MAML3: variants seen among roughly 807,000 people sequenced by gnomAD.
The protein encoded by MAML3 is mastermind-like protein 3.
Under a neutral mutation model 101.9 loss-of-function variants are expected in MAML3, and 27 were observed. That is an observed-to-expected ratio of 0.27 (90% CI 0.20 to 0.37). The LOEUF is 0.37. Ranked by LOEUF, MAML3 falls within the 10% of genes least tolerant of loss-of-function variation. The pLI is 1.00. For missense variants in MAML3, 1,316 were observed against 1,444.9 expected, an observed-to-expected ratio of 0.91 and a Z score of 1.45; for synonymous variants, 501 against 555.9, an observed-to-expected ratio of 0.90 and a Z score of 1.39.
chr4:139,943,864 CTTT>C (rs10644498), intron 1 of MAML3, among the ~76,000 whole-genome samples: 15 of 65,864 alleles, frequency 2.3e-4, no homozygotes, highest in East Asian at 1.0e-3. Context: ...CTAAAGACAA[CTTT>C]TTTTTTTTTT....
chr4:139,932,426 G>T (rs1314550593), intron 1 of MAML3, among the ~76,000 whole-genome samples: 1 of 152,098 alleles, frequency 6.6e-6, no homozygotes, highest in African/African-American at 2.4e-5. Flanking sequence ...TCGTTAACAG[G>T]GACTTGGAGT....
Position 139,719,550 on chromosome 4 carries a change from G to A in MAML3, c.3190C>T (p.Pro1064Ser), listed in dbSNP as rs4863506. ...CTGGGTATCTGCTGCTGTGCTGGGG[G>A]CTGGCTGAACGCTGGCATGCCTGGG... Reference protein sequence around the residue: ...GVPGMPAFSQPPAQQQIPSGS... With the variant: ...GVPGMPAFSQSPAQQQIPSGS... The change falls in exon 5 of 5, where the codon CCC (proline) becomes TCC (serine). Residue 1064 changes from proline (P) to serine (S), a missense_variant. Transcript: ENST00000509479. 6,112 of 1,613,760 alleles carry A rather than the reference G, an allele frequency of 3.8e-3. 76 individuals carry two copies. The highest frequency in any genetic ancestry group is 0.028 in the African/African-American group (2,075 of 75,072).
intron 1 of MAML3, among the ~76,000 whole-genome samples, chr4:140,111,968 A>C (rs1252224463): frequency 2.0e-5 from 3 of 152,186 alleles, no homozygotes; most frequent in Non-Finnish European, 4.4e-5. Flanking sequence ...ATTCCTTTAT[A>C]GACTGACCCT....
chr4:139,950,493 C>A (rs1288074354), intron 1 of MAML3, among the ~76,000 whole-genome samples: 1 of 152,154 alleles, frequency 6.6e-6, no homozygotes. Context: ...ATTAATACAA[C>A]CAGCACCTCC....
At chr4:139,784,721 G>C (rs1312582160) in intron 2 of MAML3, among the ~76,000 whole-genome samples, 1 of 152,150 alleles carries the variant, frequency 6.6e-6, no homozygotes, top group African/African-American at 2.4e-5. Context: ...AAACTGGAAG[G>C]GTACTCAGTT....
At chr4:139,954,071 ACT>A (rs1448053375) in intron 1 of MAML3, among the ~76,000 whole-genome samples, 7 of 151,162 alleles carry the variant, frequency 4.6e-5, no homozygotes, top group Non-Finnish European at 8.9e-5. Flanking sequence ...GTGTCAGTTG[ACT>A]CTTGTGCTCA....
chr4:140,037,502 CA>C (rs1327997109), intron 1 of MAML3, among the ~76,000 whole-genome samples: 1 of 152,078 alleles, frequency 6.6e-6, no homozygotes, highest in Non-Finnish European at 1.5e-5. Context: ...AAAGAAAATA[CA>C]AAAAGGAATC....
intron 2 of MAML3, among the ~76,000 whole-genome samples, chr4:139,754,971 C>T (rs1578584604): frequency 6.6e-6 from 1 of 152,222 alleles, no homozygotes; most frequent in African/African-American, 2.4e-5. Flanking sequence ...CGCTGACATC[C>T]TATGTCTGTT....
At chr4:140,017,295 C>T (rs766841676) in intron 1 of MAML3, among the ~76,000 whole-genome samples, 2 of 152,120 alleles carry the variant, frequency 1.3e-5, no homozygotes, top group Non-Finnish European at 2.9e-5. Flanking sequence ...AAAACAGTGA[C>T]ACCACCAAAT....
chr4:140,113,110 C>G (rs1728464883), intron 1 of MAML3, among the ~76,000 whole-genome samples: 1 of 151,982 alleles, frequency 6.6e-6, no homozygotes, highest in Non-Finnish European at 1.5e-5. Flanking sequence ...AACCCCATCT[C>G]TACTAAAAAA....
At chr4:140,073,439 T>C (rs973526179) in intron 1 of MAML3, among the ~76,000 whole-genome samples, 12 of 151,996 alleles carry the variant, frequency 7.9e-5, no homozygotes, top group Admixed American at 7.9e-4. Context: ...CGCCCAACCC[T>C]TCACTTTTTC....
At chr4:140,121,675 C>A (rs1334778499) in intron 1 of MAML3, among the ~76,000 whole-genome samples, 1 of 152,128 alleles carries the variant, frequency 6.6e-6, no homozygotes, top group Admixed American at 6.5e-5. Context: ...AAGACCAAGA[C>A]AAAATTTAAA....
intron 2 of MAML3, 52 bp from the exon 3 acceptor site, chr4:139,730,719 G>A: frequency 6.6e-7 from 1 of 1,522,168 alleles, no homozygotes; most frequent in Non-Finnish European, 9.0e-7. Flanking sequence ...GAGACTCACT[G>A]CTGTTTGAAG....
intron 2 of MAML3, among the ~76,000 whole-genome samples, chr4:139,782,582 G>A (rs1730236740): frequency 6.6e-6 from 1 of 152,186 alleles, no homozygotes; most frequent in South Asian, 2.1e-4. Flanking sequence ...CACTTTAACA[G>A]GGCTCTTAGG....
At chr4:140,126,889 C>A (rs922997069) in intron 1 of MAML3, among the ~76,000 whole-genome samples, 4 of 152,172 alleles carry the variant, frequency 2.6e-5, no homozygotes, top group Admixed American at 6.5e-5. Flanking sequence ...TCAATGGACT[C>A]CTTAATATAT....
intron 1 of MAML3, among the ~76,000 whole-genome samples, chr4:140,046,824 G>A (rs956615588): frequency 6.6e-6 from 1 of 152,104 alleles, no homozygotes; most frequent in Non-Finnish European, 1.5e-5. Flanking sequence ...CTGTACTGAA[G>A]CTGTGTTTGC....
At chr4:139,756,205 T>G (rs1411101351) in intron 2 of MAML3, among the ~76,000 whole-genome samples, 1 of 152,184 alleles carries the variant, frequency 6.6e-6, no homozygotes, top group Non-Finnish European at 1.5e-5. Context: ...TATTGGTTGT[T>G]TAGTATGCTT....
At chr4:140,041,760 T>C (rs2110908885) in intron 1 of MAML3, among the ~76,000 whole-genome samples, 1 of 152,292 alleles carries the variant, frequency 6.6e-6, no homozygotes. Flanking sequence ...CTCTAGCATG[T>C]TTAACATGGG....
chr4:140,132,513 A>G (rs1728812197), intron 1 of MAML3, among the ~76,000 whole-genome samples: 1 of 152,210 alleles, frequency 6.6e-6, no homozygotes, highest in Non-Finnish European at 1.5e-5. Flanking sequence ...GCTATTAGAA[A>G]AAGGTTAAAT....
Sources: gnomAD v4.1 joint callset for allele counts (sites outside exome capture counted in the v4.1 genomes callset) on GRCh38, gnomAD v4.1.1 for gene constraint, MANE v1.5 for transcripts, NCBI Gene and HGNC (gene_info 2026-07-23, HGNC 2026-07-21) for gene names.